Variants in GPHN observed in about 807,000 individuals in gnomAD.
The protein encoded by GPHN is gephyrin.
In GPHN, 17 loss-of-function variants were observed where a neutral mutation model predicts 95.5. The observed-to-expected ratio is 0.18, with a 90% CI of 0.12 to 0.27. The LOEUF (loss-of-function observed/expected upper bound fraction) is 0.27. Among genes scored for constraint, GPHN ranks in the 10% least tolerant of loss-of-function variants. GPHN has a pLI of 1.00. For missense variants in GPHN, 660 were observed against 978.1 expected, an observed-to-expected ratio of 0.67 and a Z score of 4.34; for synonymous variants, 320 against 322.5, an observed-to-expected ratio of 0.99 and a Z score of 0.08.
chr14:67,473,491 C>T, the GPHN span: 5 of 1,614,182 alleles, frequency 3.1e-6, no homozygotes, highest in East Asian at 1.1e-4. The surrounding 1 kb of genome is among the most constrained non-coding windows in gnomAD (Gnocchi z 6.5). Context: ...GCGTCCTTGT[C>T]GAAGCGGAGG....
the GPHN span, chr14:67,541,775 A>C: frequency 8.2e-7 from 1 of 1,220,402 alleles, no homozygotes; most frequent in South Asian, 1.6e-5. Flanking sequence ...TTCTTTCCCC[A>C]CAGAACTCTT....
At chr14:66,972,751 T>A (rs2153592884) in intron 9 of GPHN, among the ~76,000 whole-genome samples, 1 of 152,166 alleles carries the variant, frequency 6.6e-6, no homozygotes, top group East Asian at 1.9e-4. Flanking sequence ...AATGTAAATA[T>A]TACATTGAGG....
chr14:67,182,897 G>A (rs555410068), downstream of GPHN, among the ~76,000 whole-genome samples: 5 of 140,850 alleles, frequency 3.5e-5, no homozygotes, highest in South Asian at 2.3e-4. Flanking sequence ...TCAGGATAGA[G>A]TGCAGTAGCA....
chr14:67,071,697 A>G (rs544626026), intron 11 of GPHN, among the ~76,000 whole-genome samples: 2 of 152,020 alleles, frequency 1.3e-5, no homozygotes, highest in Non-Finnish European at 2.9e-5. Flanking sequence ...AAATTGCCCT[A>G]TGTCGCAATC....
chr14:67,389,090 T>C, the GPHN span, among the ~76,000 whole-genome samples: 1 of 152,004 alleles, frequency 6.6e-6, no homozygotes, highest in Non-Finnish European at 1.5e-5. Context: ...CGATTGGTGG[T>C]ATCCCTGGAC....
the GPHN span, among the ~76,000 whole-genome samples, chr14:67,327,389 C>T: frequency 6.6e-6 from 1 of 151,098 alleles, no homozygotes; most frequent in African/African-American, 2.4e-5. Flanking sequence ...TACAGTGGCT[C>T]ACACCTGTAA....
At chr14:67,707,181 G>T in the GPHN span, among the ~76,000 whole-genome samples, 1 of 152,112 alleles carries the variant, frequency 6.6e-6, no homozygotes, top group Non-Finnish European at 1.5e-5. Context: ...GGGGAAAAAA[G>T]AAGGAAAACA....
chr14:67,541,899 G>T, the GPHN span: 1 of 1,603,526 alleles, frequency 6.2e-7, no homozygotes, highest in Non-Finnish European at 8.5e-7. Flanking sequence ...GCGCCGGCCA[G>T]CGTAGACTGG....
At chr14:66,965,387 A>G in intron 9 of GPHN, 62 bp downstream of exon 9, 1 of 1,415,680 alleles carries the variant, frequency 7.1e-7, no homozygotes, top group Non-Finnish European at 1.0e-6. Context: ...AAAACTAACC[A>G]ATATTTCCTC....
chr14:66,515,805 A>G (rs1001236508), intron 1 of GPHN, among the ~76,000 whole-genome samples: 19 of 152,352 alleles, frequency 1.2e-4, no homozygotes, highest in East Asian at 3.9e-4. Flanking sequence ...GAAGGATACA[A>G]TAGTGATTAA....
At chr14:67,025,953 C>T (rs1594855625) in intron 10 of GPHN, among the ~76,000 whole-genome samples, 1 of 152,314 alleles carries the variant, frequency 6.6e-6, no homozygotes, top group South Asian at 2.1e-4. Context: ...TAATGAAGCT[C>T]CTATATTGAA....
chr14:67,073,808 G>T (rs2076397180), intron 11 of GPHN, among the ~76,000 whole-genome samples: 1 of 152,148 alleles, frequency 6.6e-6, no homozygotes, highest in African/African-American at 2.4e-5. Context: ...GGAAAAAAGT[G>T]CACAACACAA....
intron 1 of GPHN, among the ~76,000 whole-genome samples, chr14:66,608,710 G>T (rs1030018660): frequency 6.6e-6 from 1 of 152,134 alleles, no homozygotes; most frequent in African/African-American, 2.4e-5. Flanking sequence ...AAGTCTTCTT[G>T]TTGAATGGAA....
At chr14:66,879,675 G>A (rs572011009) in intron 4 of GPHN, among the ~76,000 whole-genome samples, 1 of 152,000 alleles carries the variant, frequency 6.6e-6, no homozygotes, top group Non-Finnish European at 1.5e-5. Context: ...AGTGAGATGA[G>A]ATTTCTATCA....
At chr14:67,392,910 G>A in the GPHN span, 2 of 1,386,640 alleles carry the variant, frequency 1.4e-6, no homozygotes, top group East Asian at 4.8e-5. Flanking sequence ...GGGGTGTGTG[G>A]CCAATGACCT....
the GPHN span, among the ~76,000 whole-genome samples, chr14:67,633,329 TTC>T: frequency 1.3e-5 from 2 of 152,188 alleles, no homozygotes. Context: ...TCTGCAGAAT[TTC>T]TCTGTTTAGA....
chr14:67,000,083 C>T (rs2072111375), intron 9 of GPHN, among the ~76,000 whole-genome samples: 2 of 151,632 alleles, frequency 1.3e-5, no homozygotes, highest in Admixed American at 6.6e-5. Flanking sequence ...TTATTTAATG[C>T]TTAAGAACTT....
At chr14:67,594,730 T>C in the GPHN span, among the ~76,000 whole-genome samples, 1 of 151,910 alleles carries the variant, frequency 6.6e-6, no homozygotes, top group South Asian at 2.1e-4. Context: ...GATAAACCCA[T>C]TATAAGATGA....
At chr14:66,944,330 C>T (rs1245156873) in intron 8 of GPHN, among the ~76,000 whole-genome samples, 1 of 152,168 alleles carries the variant, frequency 6.6e-6, no homozygotes, top group Non-Finnish European at 1.5e-5. Context: ...CTCATTGAAT[C>T]CCAGGCCACC....
Sources: gnomAD v4.1 joint callset for allele counts (sites outside exome capture counted in the v4.1 genomes callset) on GRCh38, gnomAD v4.1.1 for gene constraint, Gnocchi (gnomAD v3.1) non-coding constraint, MANE v1.5 for transcripts, NCBI Gene and HGNC (gene_info 2026-07-23, HGNC 2026-07-21) for gene names.